PSMB2: variants seen among roughly 807,000 people sequenced by gnomAD.
PSMB2 encodes proteasome 20S subunit beta 2, also known as proteasome subunit beta type-2.
In PSMB2, 13 loss-of-function variants were observed where a neutral mutation model predicts 25.7. The ratio of observed to expected loss-of-function variants is 0.51; its 90% CI spans 0.33 to 0.80. The LOEUF is 0.80. Among genes scored for constraint, PSMB2 ranks in the 30% least tolerant of loss-of-function variants. The pLI, the probability that PSMB2 is intolerant of heterozygous loss-of-function variation, is 0.02. For missense variants in PSMB2, 202 were observed against 259.0 expected, an observed-to-expected ratio of 0.78 and a Z score of 1.51; for synonymous variants, 87 against 96.2, an observed-to-expected ratio of 0.90 and a Z score of 0.56.
intron 3 of PSMB2, among the ~76,000 whole-genome samples, chr1:35,624,734 G>A (rs143401193): frequency 0.015 from 2,270 of 151,668 alleles, 62 homozygotes; most frequent in African/African-American, 0.051. Flanking sequence ...GACTGGGTGA[G>A]AGAGCAAGAC....
At chr1:35,619,521 G>C (rs367682396) in intron 3 of PSMB2, among the ~76,000 whole-genome samples, 8 of 152,310 alleles carry the variant, frequency 5.3e-5, no homozygotes, top group African/African-American at 1.9e-4. Flanking sequence ...AGGAATTCAA[G>C]TGCTCACTCG....
intron 3 of PSMB2, among the ~76,000 whole-genome samples, chr1:35,624,021 T>C (rs1406348523): frequency 6.6e-6 from 1 of 152,208 alleles, no homozygotes; most frequent in African/African-American, 2.4e-5. Flanking sequence ...ACAGGTTTCT[T>C]CTAGGACAGG....
chr1:35,636,442 G>A lies in PSMB2; in HGVS notation c.92-10C>T, dbSNP rs370542915. On this transcript the variant is annotated splice_polypyrimidine_tract_variant and intron_variant, in intron 1 of 5. Coordinates refer to ENST00000373237, the MANE Select transcript of PSMB2 (RefSeq NM_002794.5). ...AACATCTTGTCATGATCTGCTCAAA[G>A]AAGAAAACTGTGTTAGAAACTGCCT... 9.3e-6 allele frequency: 15 copies of A among 1,611,280 alleles called. No homozygotes were observed. The African/African-American group carries it at 1.9e-4, about 20-fold the overall frequency.
chr1:35,628,954 T>C (rs187055976), intron 3 of PSMB2, among the ~76,000 whole-genome samples: 75 of 152,244 alleles, frequency 4.9e-4, no homozygotes, highest in African/African-American at 1.7e-3. Context: ...ATAGCATCAG[T>C]GTTCTAGAAA....
intron 5 of PSMB2, among the ~76,000 whole-genome samples, chr1:35,603,752 C>T (rs79226164): frequency 2.0e-3 from 307 of 152,242 alleles, no homozygotes; most frequent in South Asian, 7.0e-3. Context: ...AGTGATTGTC[C>T]TCAGAACGAA....
In PSMB2 at chr1:35,601,989, A is replaced by G. The variant is rs754015546; in HGVS notation, c.*1278T>C. 1 of 854,072 alleles carries G rather than the reference A, an allele frequency of 1.2e-6. No individual in the cohort carries two copies. Among genetic ancestry groups the G allele is most frequent in the Non-Finnish European group, 1.4e-6 (1 of 710,496 alleles). The allele number at this position is 854,072 out of a possible 1,614,324, so 52.9% of individuals were successfully genotyped here. ...AAGCATATCTATATGTATTGATATA[A>G]AACAATCTCTAATATAGTGTTAAGT... On this transcript the variant is annotated 3_prime_UTR_variant, in exon 6 of 6. Transcript: ENST00000373237.
intron 3 of PSMB2, among the ~76,000 whole-genome samples, chr1:35,611,044 G>T (rs951426785): frequency 6.6e-6 from 1 of 151,768 alleles, no homozygotes; most frequent in African/African-American, 2.4e-5. Flanking sequence ...GTCTGTCTAT[G>T]CCCCCAGGCA....
intron 3 of PSMB2, among the ~76,000 whole-genome samples, chr1:35,628,631 A>ATATATATATATT (rs1202256440): frequency 2.6e-5 from 1 of 38,086 alleles, no homozygotes; most frequent in African/African-American, 1.3e-4. Flanking sequence ...ATATATATAT[A>ATATATATATATT]TTTTTTTTTT....
In PSMB2 at chr1:35,601,714, T is replaced by C. The variant is rs1055423701; in HGVS notation, c.*1553A>G. On this transcript the variant is annotated 3_prime_UTR_variant, in exon 6 of 6. Coordinates refer to ENST00000373237, the MANE Select transcript of PSMB2 (RefSeq NM_002794.5). Reference sequence around the variant, plus strand: ...AAGAGGAGCACAGAATTGGATAAAGTAGGGTTTATCTTAGTCGGAGACCAA... The same window carrying C: ...AAGAGGAGCACAGAATTGGATAAAGCAGGGTTTATCTTAGTCGGAGACCAA... 3.0e-6 allele frequency: 3 copies of C among 985,410 alleles called. No individual in the cohort carries two copies. The highest frequency in any genetic ancestry group is 1.1e-4 in the East Asian group (1 of 8,816). 61.0% of individuals were successfully genotyped at this position (985,410 alleles called of 1,614,324 possible).
intron 3 of PSMB2, among the ~76,000 whole-genome samples, chr1:35,620,642 G>T (rs1205983813): frequency 1.3e-5 from 2 of 150,910 alleles, no homozygotes; most frequent in African/African-American, 4.9e-5. Flanking sequence ...GCAGGAGAAT[G>T]GCGTGAACCC....
At chr1:35,640,087 A>ATACTGTACTG (rs1375890920) in intron 1 of PSMB2, among the ~76,000 whole-genome samples, 29 of 151,774 alleles carry the variant, frequency 1.9e-4, no homozygotes, top group African/African-American at 6.5e-4. Flanking sequence ...ATACTATACT[A>ATACTGTACTG]TACTATACTA....
intron 3 of PSMB2, among the ~76,000 whole-genome samples, chr1:35,621,903 G>A (rs912378166): frequency 6.6e-5 from 10 of 152,238 alleles, no homozygotes; most frequent in African/African-American, 2.4e-4. Flanking sequence ...GGCTGAGGCA[G>A]GAGAATTGCC....
Position 35,602,932 on chromosome 1 carries a change from A to T in PSMB2, c.*335T>A. On this transcript the variant is annotated 3_prime_UTR_variant, in exon 6 of 6. Transcript: ENST00000373237. ...AGAACCACTACTTTAGAGAGAATGG[A>T]GATACTAGCAAGTAAAATATATGAA... 1 of 1,031,986 alleles carries T rather than the reference A, an allele frequency of 9.7e-7. No individual in the cohort carries two copies. Among genetic ancestry groups the T allele is most frequent in the Middle Eastern group, 4.8e-4 (1 of 2,080 alleles). 63.9% of individuals were successfully genotyped at this position (1,031,986 alleles called of 1,614,324 possible). A position where few individuals can be genotyped will look rare whatever the true frequency, so the allele number is the denominator to read the frequency against.
intron 4 of PSMB2, among the ~76,000 whole-genome samples, chr1:35,605,618 C>T (rs1650143204): frequency 6.6e-6 from 1 of 152,240 alleles, no homozygotes; most frequent in African/African-American, 2.4e-5. Context: ...CCTTTCACTC[C>T]CCCTTAGTCC....
At chr1:35,603,506 C>T in intron 5 of PSMB2, 132 bp from the exon 6 acceptor site, 1 of 1,103,948 alleles carries the variant, frequency 9.1e-7, no homozygotes, top group South Asian at 1.6e-5. Context: ...CTACTGGAGG[C>T]AGTTGGCAGT....
chr1:35,631,715 G>A (rs1295461504), intron 2 of PSMB2, among the ~76,000 whole-genome samples: 1 of 152,136 alleles, frequency 6.6e-6, no homozygotes, highest in Non-Finnish European at 1.5e-5. Flanking sequence ...TCTTTTAAAA[G>A]TTTATTTTAA....
At chr1:35,622,977 C>G (rs530253506) in intron 3 of PSMB2, among the ~76,000 whole-genome samples, 1 of 152,158 alleles carries the variant, frequency 6.6e-6, no homozygotes, top group South Asian at 2.1e-4. Flanking sequence ...CTAATGCATA[C>G]GCATACTGCT....
intron 4 of PSMB2, among the ~76,000 whole-genome samples, chr1:35,606,969 TA>T (rs1273703953): frequency 6.6e-6 from 1 of 152,112 alleles, no homozygotes; most frequent in African/African-American, 2.4e-5. Context: ...GTCTCTTCAA[TA>T]AATGGTGCTA....
At chr1:35,628,769 G>T (rs1329368179) in intron 3 of PSMB2, among the ~76,000 whole-genome samples, 1 of 149,848 alleles carries the variant, frequency 6.7e-6, no homozygotes, top group Non-Finnish European at 1.5e-5. Context: ...GATTGTACAA[G>T]CCCTTGGTCA....
Sources: gnomAD v4.1 joint callset for allele counts (sites outside exome capture counted in the v4.1 genomes callset) on GRCh38, gnomAD v4.1.1 for gene constraint, MANE v1.5 for transcripts, NCBI Gene and HGNC (gene_info 2026-07-23, HGNC 2026-07-21) for gene names.